The following PI4K2B variants were observed in gnomAD, a reference collection of about 807,000 sequenced individuals.
PI4K2B encodes the protein phosphatidylinositol 4-kinase type 2 beta, also known as phosphatidylinositol 4-kinase type 2-beta.
A neutral mutation model predicts 56.6 loss-of-function variants in PI4K2B; 46 were observed. The ratio of observed to expected loss-of-function variants is 0.81; its 90% CI spans 0.64 to 1.04. The LOEUF is 1.04. Among genes scored for constraint, PI4K2B ranks in the 50% least tolerant of loss-of-function variants. The pLI, the probability that PI4K2B is intolerant of heterozygous loss-of-function variation, is 0.00. For synonymous variants in PI4K2B, 211 were observed against 223.8 expected (o/e 0.94, Z 0.51); for missense variants, 556 against 607.7 (o/e 0.91, Z 0.89).
At position 25,259,029 on chromosome 4, in the gene PI4K2B, A is replaced by G; in HGVS notation, c.757-8A>G. ...TTTCTTTTCTAACTATAGTTCTTAA[A>G]ATTATAGATTGGTTCCTTTCAGTTA... is the stretch of plus-strand genomic sequence containing the variant. On this transcript the variant is annotated splice_region_variant and splice_polypyrimidine_tract_variant and intron_variant, in intron 4 of 9. Coordinates refer to ENST00000264864, the MANE Select transcript of PI4K2B (RefSeq NM_018323.4). The G allele has an allele frequency of 1.4e-6, 2 of 1,454,538 alleles. No individual in the cohort carries two copies. Among genetic ancestry groups the G allele is most frequent in the African/African-American group, 1.4e-5 (1 of 70,648 alleles). The allele number at this position is 1,454,538 out of a possible 1,614,324, so 90.1% of individuals were successfully genotyped here.
Position 25,260,571 on chromosome 4 carries a change from G to A in PI4K2B, c.958G>A (p.Glu320Lys). 1 of 1,371,026 alleles carries A rather than the reference G, an allele frequency of 7.3e-7. No individual in the cohort carries two copies. Among genetic ancestry groups the A allele is most frequent in the South Asian group, 1.8e-5 (1 of 56,794 alleles). 84.9% of individuals were successfully genotyped at this position (1,371,026 alleles called of 1,614,324 possible). ...WLVRYEKQKC[E>K]KEIDHKESKW... Reference sequence around the variant, plus strand: ...AGTCAGATACGAAAAGCAGAAATGTGAAAAGGAAATTGACCATAAGGTAAG... The same window carrying A: ...AGTCAGATACGAAAAGCAGAAATGTAAAAAGGAAATTGACCATAAGGTAAG... Residue 320 changes from glutamate (E) to lysine (K), a missense_variant, in exon 6 of 10, where the codon GAA becomes AAA. Glu to Lys is a moderately conservative substitution (Grantham distance 56). Coordinates refer to ENST00000264864, the MANE Select transcript of PI4K2B (RefSeq NM_018323.4).
In PI4K2B at chr4:25,278,558, G is replaced by A. The variant is rs1434312577; in HGVS notation, c.*1371G>A. The A allele has an allele frequency of 6.6e-6, 1 of 152,542 alleles. No homozygotes were observed. The highest frequency in any genetic ancestry group is 2.4e-5 in the African/African-American group (1 of 41,422). 9.4% of individuals were successfully genotyped at this position (152,542 alleles called of 1,614,324 possible). A position where few individuals can be genotyped will look rare whatever the true frequency, so the allele number is the denominator to read the frequency against. On this transcript the variant is annotated 3_prime_UTR_variant, in exon 10 of 10. Coordinates refer to ENST00000264864, the MANE Select transcript of PI4K2B (RefSeq NM_018323.4). ...TATCTTCCTTTTGGTCTTCATGGAC[G>A]AGATGAATGAGGATTCTGCTGCCCT... is the stretch of plus-strand genomic sequence containing the variant.
At chr4:25,247,341 T>C (rs1218469384) in intron 1 of PI4K2B, among the ~76,000 whole-genome samples, 1 of 152,262 alleles carries the variant, frequency 6.6e-6, no homozygotes, top group Non-Finnish European at 1.5e-5. Flanking sequence ...GTGCATATAA[T>C]ACATTGTTTT....
At chr4:25,271,246 A>C (rs1050352060) in intron 9 of PI4K2B, among the ~76,000 whole-genome samples, 4 of 152,236 alleles carry the variant, frequency 2.6e-5, no homozygotes, top group African/African-American at 9.6e-5. Context: ...CCACAAGGAA[A>C]GGATTGGAGC....
intron 9 of PI4K2B, chr4:25,276,302 CATG>C (rs1170435846): frequency 1.4e-5 from 5 of 353,168 alleles, no homozygotes; most frequent in Non-Finnish European, 2.0e-5. Context: ...TATCTTTGAA[CATG>C]ATATGTAATA....
chr4:25,242,768 C>T (rs2109086318), intron 1 of PI4K2B, among the ~76,000 whole-genome samples: 1 of 152,308 alleles, frequency 6.6e-6, no homozygotes, highest in Non-Finnish European at 1.5e-5. Flanking sequence ...GTGGTGGGAT[C>T]TTTTAACCTG....
intron 1 of PI4K2B, among the ~76,000 whole-genome samples, chr4:25,248,855 T>C (rs1715909184): frequency 6.6e-6 from 1 of 152,172 alleles, no homozygotes; most frequent in Admixed American, 6.5e-5. Context: ...TGGGTGTTTC[T>C]CGGAGAGGGG....
intron 1 of PI4K2B, among the ~76,000 whole-genome samples, chr4:25,244,093 A>G (rs567724529): frequency 7.7e-4 from 118 of 152,308 alleles, no homozygotes; most frequent in Middle Eastern, 6.8e-3. Context: ...TAGGACATCT[A>G]TGTACCTATC....
At chr4:25,256,277 A>C (rs1029482892) in intron 3 of PI4K2B, among the ~76,000 whole-genome samples, 1 of 152,162 alleles carries the variant, frequency 6.6e-6, no homozygotes, top group Non-Finnish European at 1.5e-5. Flanking sequence ...GTTTATTCCT[A>C]AGTCTACAGT....
At chr4:25,242,192 A>G (rs529623395) in intron 1 of PI4K2B, among the ~76,000 whole-genome samples, 1 of 152,264 alleles carries the variant, frequency 6.6e-6, no homozygotes, top group Admixed American at 6.5e-5. Context: ...GACACCTTGT[A>G]CCCTTGATTA....
At chr4:25,250,891 G>T (rs1434832991) in intron 1 of PI4K2B, among the ~76,000 whole-genome samples, 1 of 152,168 alleles carries the variant, frequency 6.6e-6, no homozygotes, top group Non-Finnish European at 1.5e-5. Context: ...CTGCTGATTG[G>T]ATGTAGAGGG....
rs368157053 is a variant in PI4K2B, at chr4:25,236,671, AGGTAAAT to A, written c.268+2244_268+2250del. Among the ~76,000 whole-genome samples, 83 of 152,330 alleles carry A rather than the reference AGGTAAAT, an allele frequency of 5.4e-4. 1 individual carries two copies. The highest frequency in any genetic ancestry group is 1.9e-3 in the African/African-American group (77 of 41,584). ...AATGACTGGTAGCTCAGGTCTTCAGAGGTAAATGGTTTGCCCGAAGTCAAATATCCAG... is the reference window on the plus strand; with the variant it reads ...AATGACTGGTAGCTCAGGTCTTCAGAGGTTTGCCCGAAGTCAAATATCCAG... On this transcript the variant is annotated intron_variant, in intron 1 of 9. Coordinates refer to ENST00000264864, the MANE Select transcript of PI4K2B (RefSeq NM_018323.4).
intron 9 of PI4K2B, among the ~76,000 whole-genome samples, chr4:25,274,529 A>C (rs561584118): frequency 6.6e-6 from 1 of 152,320 alleles, no homozygotes; most frequent in East Asian, 1.9e-4. Context: ...TTTCCATCAC[A>C]CACAAGTATT....
intron 7 of PI4K2B, among the ~76,000 whole-genome samples, chr4:25,265,317 C>G (rs997849243): frequency 6.7e-6 from 1 of 149,944 alleles, no homozygotes; most frequent in South Asian, 2.1e-4. Context: ...TGTTAAGCAT[C>G]GGTCCTTCTA....
chr4:25,273,324 G>A (rs996228103), intron 9 of PI4K2B, among the ~76,000 whole-genome samples: 6 of 151,962 alleles, frequency 3.9e-5, no homozygotes, highest in Non-Finnish European at 5.9e-5. Flanking sequence ...CATGTGACCT[G>A]AAAAAATGCA....
intron 2 of PI4K2B, 36 bp downstream of exon 2, chr4:25,252,511 A>G (rs768664970): frequency 3.0e-6 from 4 of 1,311,716 alleles, no homozygotes; most frequent in Admixed American, 3.8e-5. Context: ...TGTAATGGAA[A>G]CTTTGGTAAA....
At chr4:25,275,949 GTCAA>G (rs746900519) in intron 9 of PI4K2B, among the ~76,000 whole-genome samples, 17 of 152,086 alleles carry the variant, frequency 1.1e-4, no homozygotes, top group Non-Finnish European at 1.8e-4. Flanking sequence ...CAATCAATCA[GTCAA>G]TCAATCAATC....
intron 1 of PI4K2B, among the ~76,000 whole-genome samples, chr4:25,238,275 CCAAAA>C (rs745351732): frequency 2.6e-5 from 4 of 152,150 alleles, no homozygotes; most frequent in Non-Finnish European, 2.9e-5. Flanking sequence ...GTTATTTGAA[CCAAAA>C]CAGAACAGAC....
At chr4:25,237,231 G>A (rs151116226) in intron 1 of PI4K2B, among the ~76,000 whole-genome samples, 4 of 152,328 alleles carry the variant, frequency 2.6e-5, no homozygotes, top group African/African-American at 4.8e-5. Context: ...CAGTGAATTC[G>A]GTAGTAATGA....
Sources: gnomAD v4.1 joint callset for allele counts (sites outside exome capture counted in the v4.1 genomes callset) on GRCh38, gnomAD v4.1.1 for gene constraint, MANE v1.5 for transcripts, NCBI Gene and HGNC (gene_info 2026-07-23, HGNC 2026-07-21) for gene names.